The following SGCZ variants were observed in gnomAD, a reference collection of about 807,000 sequenced individuals.
The protein encoded by SGCZ is sarcoglycan zeta.
A neutral mutation model predicts 41.3 loss-of-function variants in SGCZ; 40 were observed. The observed-to-expected ratio is 0.97, with a 90% CI of 0.75 to 1.26. The LOEUF is 1.26. SGCZ is among the 50% of genes most tolerant of loss of function. The pLI, the probability that SGCZ is intolerant of heterozygous loss-of-function variation, is 0.00. For missense variants in SGCZ, 552 were observed against 369.8 expected (o/e 1.49, Z -4.04); for synonymous variants, 206 against 137.5 (o/e 1.50, Z -3.49).
At chr8:14,171,043 G>A (rs1804363752) in intron 4 of SGCZ, among the ~76,000 whole-genome samples, 1 of 151,432 alleles carries the variant, frequency 6.6e-6, no homozygotes, top group East Asian at 2.0e-4. Flanking sequence ...ATTTATGGAA[G>A]GTATGTGGGT....
At chr8:14,432,749 G>A (rs565429592) in intron 2 of SGCZ, among the ~76,000 whole-genome samples, 2 of 151,710 alleles carry the variant, frequency 1.3e-5, no homozygotes, top group South Asian at 4.2e-4. Flanking sequence ...CTCTATTTCT[G>A]CTAAAAATAC....
intron 2 of SGCZ, among the ~76,000 whole-genome samples, chr8:14,371,831 G>C (rs761753976): frequency 3.9e-5 from 6 of 152,020 alleles, no homozygotes; most frequent in Non-Finnish European, 8.8e-5. Flanking sequence ...GTATAAATAA[G>C]ATGTACATAT....
At chr8:14,937,609 A>G (rs1165600186) in intron 1 of SGCZ, among the ~76,000 whole-genome samples, 1 of 152,158 alleles carries the variant, frequency 6.6e-6, no homozygotes, top group South Asian at 2.1e-4. Context: ...ACGTACGCAT[A>G]TAGAGGAACC....
chr8:14,992,494 T>C (rs1354141194), intron 1 of SGCZ, among the ~76,000 whole-genome samples: 1 of 148,400 alleles, frequency 6.7e-6, no homozygotes, highest in African/African-American at 2.6e-5. Context: ...CCAAAACCAG[T>C]GTTACCCTTG....
intron 1 of SGCZ, among the ~76,000 whole-genome samples, chr8:15,035,894 C>T (rs904080845): frequency 6.6e-6 from 1 of 151,968 alleles, no homozygotes; most frequent in African/African-American, 2.4e-5. Flanking sequence ...AGCATGAGAA[C>T]TTTAATATTG....
chr8:14,269,611 T>A (rs1799995312), intron 3 of SGCZ, among the ~76,000 whole-genome samples: 1 of 152,118 alleles, frequency 6.6e-6, no homozygotes, highest in Admixed American at 6.5e-5. Context: ...CAGATTGCCT[T>A]TGGGTCATTG....
At chr8:14,315,843 T>TA (rs143540826) in intron 3 of SGCZ, among the ~76,000 whole-genome samples, 6,107 of 148,362 alleles carry the variant, frequency 0.041, 394 homozygotes, top group African/African-American at 0.14. Context: ...CTAAGTAAAA[T>TA]AAAAAAAAAT....
chr8:15,188,183 T>C (rs566994491), intron 1 of SGCZ, among the ~76,000 whole-genome samples: 1 of 152,178 alleles, frequency 6.6e-6, no homozygotes, highest in South Asian at 2.1e-4. Flanking sequence ...CATTGGAGTA[T>C]TGTATCAAGT....
At chr8:15,021,420 G>T (rs375166004) in intron 1 of SGCZ, among the ~76,000 whole-genome samples, 1 of 152,132 alleles carries the variant, frequency 6.6e-6, no homozygotes, top group Non-Finnish European at 1.5e-5. Flanking sequence ...CCTCACTTAC[G>T]TGGCTATTAC....
intron 2 of SGCZ, among the ~76,000 whole-genome samples, chr8:14,351,213 G>T (rs905077242): frequency 1.3e-5 from 2 of 152,124 alleles, no homozygotes; most frequent in African/African-American, 4.8e-5. Context: ...TACCGGTATT[G>T]TAAGATAAGC....
At chr8:14,929,786 T>G (rs1301896136) in intron 1 of SGCZ, among the ~76,000 whole-genome samples, 1 of 152,028 alleles carries the variant, frequency 6.6e-6, no homozygotes, top group Non-Finnish European at 1.5e-5. Flanking sequence ...AGATAACACC[T>G]TAACATTAGA....
In SGCZ at chr8:14,488,972, T is replaced by TTA. The variant is rs1316896077; in HGVS notation, c.234+65758_234+65759dup. ...TAAAAGAAAAAAATTCATCAACCAA[T>TTA]TATATATATATAGATATACATAATA... is the stretch of plus-strand genomic sequence containing the variant. On this transcript the variant is annotated intron_variant, in intron 2 of 7. Transcript: ENST00000382080. 6.0e-5 allele frequency among the ~76,000 whole-genome samples: 9 copies of TTA among 149,342 alleles called. No homozygotes were observed. In the East Asian group the frequency reaches 1.2e-3, roughly 19 times the overall value.
chr8:14,555,765 T>A (rs1333266404), intron 1 of SGCZ, among the ~76,000 whole-genome samples: 2 of 152,078 alleles, frequency 1.3e-5, no homozygotes, highest in South Asian at 2.1e-4. Flanking sequence ...GTTCAGTATA[T>A]ATGCTTCAGT....
chr8:15,177,600 T>G (rs1563167506), intron 1 of SGCZ, among the ~76,000 whole-genome samples: 1 of 152,140 alleles, frequency 6.6e-6, no homozygotes, highest in Non-Finnish European at 1.5e-5. Context: ...ACTGATTCAT[T>G]GATAAAAAGG....
chr8:15,096,790 A>G (rs1453856806), intron 1 of SGCZ, among the ~76,000 whole-genome samples: 1 of 151,874 alleles, frequency 6.6e-6, no homozygotes, highest in Non-Finnish European at 1.5e-5. Context: ...AGTTCAAGGG[A>G]TTCCCCTGCC....
At chr8:14,380,578 G>A (rs1195942979) in intron 2 of SGCZ, among the ~76,000 whole-genome samples, 1 of 152,122 alleles carries the variant, frequency 6.6e-6, no homozygotes, top group Non-Finnish European at 1.5e-5. Context: ...TGTAGGCCAG[G>A]CGTGGTGGCT....
chr8:14,159,354 A>G (rs1014343877), intron 5 of SGCZ, among the ~76,000 whole-genome samples: 6 of 152,168 alleles, frequency 3.9e-5, no homozygotes, highest in African/African-American at 1.4e-4. Context: ...CTTTCACAAA[A>G]CTATATGAAA....
intron 6 of SGCZ, among the ~76,000 whole-genome samples, chr8:14,104,881 T>G (rs1802153745): frequency 1.3e-5 from 2 of 152,128 alleles, no homozygotes; most frequent in Non-Finnish European, 2.9e-5. Flanking sequence ...TAATCTGCAC[T>G]TGGATTCTGT....
intron 1 of SGCZ, among the ~76,000 whole-genome samples, chr8:15,022,216 C>G (rs978583365): frequency 2.0e-5 from 3 of 152,104 alleles, no homozygotes; most frequent in Admixed American, 2.0e-4. Context: ...TTCAAAAACA[C>G]ATGTAATAAA....
Sources: gnomAD v4.1 joint callset for allele counts (sites outside exome capture counted in the v4.1 genomes callset) on GRCh38, gnomAD v4.1.1 for gene constraint, MANE v1.5 for transcripts, NCBI Gene and HGNC (gene_info 2026-07-23, HGNC 2026-07-21) for gene names.